SV2C: variants seen among roughly 807,000 people sequenced by gnomAD.
SV2C encodes the protein solute carrier family 22 member B3.
A neutral mutation model predicts 79.7 loss-of-function variants in SV2C; 49 were observed. The observed-to-expected ratio is 0.61, with a 90% confidence interval of 0.49 to 0.78. The LOEUF is 0.78. Among genes scored for constraint, SV2C ranks in the 30% least tolerant of loss-of-function variants. The pLI is 0.00. For synonymous variants in SV2C, 334 were observed against 333.2 expected, an observed-to-expected ratio of 1.00 and a Z score of -0.03; for missense variants, 833 against 912.9, an observed-to-expected ratio of 0.91 and a Z score of 1.13.
chr5:75,856,635 C>A, the SV2C span, among the ~76,000 whole-genome samples: 1 of 152,186 alleles, frequency 6.6e-6, no homozygotes, highest in East Asian at 1.9e-4. Context: ...TTTTAAAAAT[C>A]GGATTATTAC....
chr5:76,348,970 G>A (rs1182736526), intron 12 of SV2C, among the ~76,000 whole-genome samples: 1 of 152,154 alleles, frequency 6.6e-6, no homozygotes, highest in Non-Finnish European at 1.5e-5. Context: ...CTGCACTCCA[G>A]CCTGGGCAAC....
the SV2C span, among the ~76,000 whole-genome samples, chr5:75,879,097 A>G: frequency 1.3e-5 from 2 of 152,212 alleles, no homozygotes; most frequent in Admixed American, 1.3e-4. Context: ...GCGCTAAGGC[A>G]TTCATGAGGG....
the SV2C span, among the ~76,000 whole-genome samples, chr5:75,872,064 C>CAT: frequency 1.4e-5 from 2 of 145,416 alleles, no homozygotes; most frequent in African/African-American, 5.0e-5. Context: ...TTTATATATA[C>CAT]ATATATATGA....
At chr5:76,169,597 CCA>C (rs1410956697) in intron 2 of SV2C, among the ~76,000 whole-genome samples, 4 of 152,194 alleles carry the variant, frequency 2.6e-5, no homozygotes, top group Non-Finnish European at 5.9e-5. Flanking sequence ...CAAACCTTCC[CCA>C]ATTAACAAAA....
chr5:75,888,859 T>A, the SV2C span, among the ~76,000 whole-genome samples: 1 of 152,112 alleles, frequency 6.6e-6, no homozygotes, highest in Non-Finnish European at 1.5e-5. Context: ...TAGGGCTACC[T>A]TAACAAAGCG....
intron 2 of SV2C, among the ~76,000 whole-genome samples, chr5:76,156,514 T>C (rs1328466801): frequency 6.6e-6 from 1 of 152,086 alleles, no homozygotes; most frequent in Non-Finnish European, 1.5e-5. Flanking sequence ...CGGAAAGATA[T>C]GACCTATACA....
At chr5:76,247,207 T>A (rs998292729) in intron 4 of SV2C, among the ~76,000 whole-genome samples, 3 of 152,220 alleles carry the variant, frequency 2.0e-5, no homozygotes, top group African/African-American at 7.2e-5. Flanking sequence ...AGTGCTGTAT[T>A]GACCTTAGCA....
chr5:75,912,855 T>C, the SV2C span, among the ~76,000 whole-genome samples: 60 of 152,342 alleles, frequency 3.9e-4, no homozygotes, highest in African/African-American at 1.3e-3. Context: ...TACTTTTGCT[T>C]AACAGATTTT....
At chr5:76,348,249 A>G (rs543496050) in intron 12 of SV2C, among the ~76,000 whole-genome samples, 1 of 152,280 alleles carries the variant, frequency 6.6e-6, no homozygotes, top group Non-Finnish European at 1.5e-5. Flanking sequence ...TACTCCATGT[A>G]TATTCATGGC....
At chr5:76,190,421 T>G (rs1400189732) in intron 2 of SV2C, among the ~76,000 whole-genome samples, 1 of 152,048 alleles carries the variant, frequency 6.6e-6, no homozygotes, top group Admixed American at 6.6e-5. Flanking sequence ...AGAGGAAACA[T>G]TAGGGGTAAA....
chr5:76,107,884 A>G (rs1747973693), intron 1 of SV2C, among the ~76,000 whole-genome samples: 1 of 152,306 alleles, frequency 6.6e-6, no homozygotes, highest in African/African-American at 2.4e-5. Context: ...TATTAACAGA[A>G]TTTATTTTCA....
chr5:76,291,439 C>G (rs1286715547), intron 7 of SV2C, 108 bp downstream of exon 7: 1 of 803,470 alleles, frequency 1.2e-6, no homozygotes, highest in East Asian at 2.7e-5. Flanking sequence ...TTTCCTGCTG[C>G]CCAGGACACC....
chr5:75,857,501 G>C, the SV2C span, among the ~76,000 whole-genome samples: 1 of 152,086 alleles, frequency 6.6e-6, no homozygotes, highest in Admixed American at 6.5e-5. Context: ...ATGTTGTTTT[G>C]GTTACTATAG....
the SV2C span, among the ~76,000 whole-genome samples, chr5:76,008,086 C>A: frequency 0.044 from 6,693 of 152,220 alleles, 357 homozygotes; most frequent in African/African-American, 0.12. Flanking sequence ...GAGTCAAAAG[C>A]TGTGTGAATT....
At chr5:75,976,592 A>C in the SV2C span, among the ~76,000 whole-genome samples, 1 of 152,082 alleles carries the variant, frequency 6.6e-6, no homozygotes, top group Admixed American at 6.6e-5. Flanking sequence ...GAAAAGCAAC[A>C]TGACCAATTG....
intron 4 of SV2C, chr5:76,242,272 C>A: frequency 1.7e-6 from 2 of 1,197,796 alleles, no homozygotes; most frequent in Non-Finnish European, 2.5e-6. Context: ...CCTTAGCATC[C>A]CCTTCAGCCT....
intron 2 of SV2C, among the ~76,000 whole-genome samples, chr5:76,158,965 G>T (rs1440699636): frequency 6.6e-6 from 1 of 152,008 alleles, no homozygotes; most frequent in Non-Finnish European, 1.5e-5. Context: ...ATTTATCTCA[G>T]GAATGCCCTG....
intron 4 of SV2C, among the ~76,000 whole-genome samples, chr5:76,233,718 C>T (rs979866588): frequency 3.3e-5 from 5 of 151,154 alleles, no homozygotes; most frequent in African/African-American, 7.4e-5. Context: ...TTGTCTTTGG[C>T]TCTGTTTATA....
chr5:76,281,630 G>A (rs1031036241), intron 4 of SV2C, among the ~76,000 whole-genome samples: 1 of 152,172 alleles, frequency 6.6e-6, no homozygotes, highest in Non-Finnish European at 1.5e-5. Context: ...GGCTTCTAGA[G>A]TCTCCTTCTG....
Sources: allele counts gnomAD v4.1 joint callset (sites outside exome capture counted in the v4.1 genomes callset), GRCh38; gene constraint gnomAD v4.1.1; transcripts MANE v1.5; gene names NCBI Gene and HGNC (gene_info 2026-07-23, HGNC 2026-07-21).